The following ASIC2 variants were observed in gnomAD, a reference collection of about 807,000 sequenced individuals.
ASIC2 encodes the protein acid-sensing ion channel 2.
ASIC2 carries 25 observed loss-of-function variants against 57.3 expected under a neutral mutation model. The observed-to-expected ratio is 0.44, with a 90% CI of 0.32 to 0.61. ASIC2 has a LOEUF of 0.61. Ranked by LOEUF, ASIC2 falls within the 20% of genes least tolerant of loss-of-function variation. The probability of loss-of-function intolerance (pLI) is 0.06; values close to 1 mark genes in which losing one functional copy is unlikely to be tolerated. For synonymous variants in ASIC2, 319 were observed against 307.5 expected (o/e 1.04, Z -0.39); for missense variants, 641 against 738.1 (o/e 0.87, Z 1.52).
intron 1 of ASIC2, among the ~76,000 whole-genome samples, chr17:33,751,883 G>T (rs1324704810): frequency 2.0e-5 from 3 of 150,724 alleles, no homozygotes; most frequent in Non-Finnish European, 4.4e-5. Flanking sequence ...GCGGGAGGCT[G>T]GGAGGGAATG....
Position 33,292,430 on chromosome 17 carries a change from G to C in ASIC2, c.-315C>G. 1.0e-6 allele frequency: 1 copy of C among 985,766 alleles called. No homozygotes were observed. Among genetic ancestry groups the C allele is most frequent in the South Asian group, 4.7e-5 (1 of 21,292 alleles). The allele number at this position is 985,766 out of a possible 1,614,324, so 61.1% of individuals were successfully genotyped here. ...TGCCCGGCGCCCGGCACTACTTCTG[G>C]AGGGGTCCCACTGGGAGCCGCCTCT... On this transcript the variant is annotated 5_prime_UTR_variant, in exon 1 of 10. Transcript: ENST00000225823.
chr17:33,794,759 T>C (rs1440341037), intron 1 of ASIC2: 4 of 152,152 alleles, frequency 2.6e-5, no homozygotes, highest in Non-Finnish European at 5.9e-5. Flanking sequence ...CCTGTTGATA[T>C]AGCATATTTA....
rs1368967543 is a variant in ASIC2 at position 33,506,268 on chromosome 17, C to T, written c.556-394201G>A. Among the ~76,000 whole-genome samples the T allele has an allele frequency of 2.7e-5, 4 of 150,366 alleles. No homozygotes were observed. In the East Asian group the frequency reaches 7.8e-4, roughly 29 times the overall value. On this transcript the variant is annotated intron_variant, in intron 1 of 9. Transcript: ENST00000359872. The stretch of plus-strand genomic sequence containing the variant: ...AAAAAAAAAAAAAAGAAAAAATTAG[C>T]TGGGTGTGGTGGCGGGCGCCTGTAG...
intron 1 of ASIC2, among the ~76,000 whole-genome samples, chr17:33,609,424 C>G (rs1905325376): frequency 6.6e-6 from 1 of 152,156 alleles, no homozygotes; most frequent in African/African-American, 2.4e-5. Flanking sequence ...TCGAGCACAC[C>G]AAGGACATTC....
chr17:33,284,888 C>G (rs1656566252), intron 1 of ASIC2, among the ~76,000 whole-genome samples: 1 of 152,162 alleles, frequency 6.6e-6, no homozygotes, highest in African/African-American at 2.4e-5. Context: ...TCAGGAAGCT[C>G]CTTTTAGACT....
intron 3 of ASIC2, among the ~76,000 whole-genome samples, chr17:33,041,141 G>A (rs1174742963): frequency 6.6e-6 from 1 of 152,120 alleles, no homozygotes; most frequent in Non-Finnish European, 1.5e-5. Flanking sequence ...GCTGAGGGGT[G>A]GTGGGAAGAA....
intron 1 of ASIC2, among the ~76,000 whole-genome samples, chr17:33,686,415 C>CT (rs1227420116): frequency 6.6e-6 from 1 of 152,174 alleles, no homozygotes; most frequent in East Asian, 1.9e-4. Context: ...CAACTAATCT[C>CT]TTGTCCTGTT....
chr17:33,684,389 G>A lies in ASIC2; in HGVS notation c.555+471589C>T, dbSNP rs537248655. On this transcript the variant is annotated intron_variant, in intron 1 of 9. Transcript: ENST00000359872. ...ACTACCCAAGTGCAGAAGAAACAAC[G>A]TTTTAAATATATCGGGCAGCAGAGC... is the stretch of plus-strand genomic sequence containing the variant. Among the ~76,000 whole-genome samples the A allele has an allele frequency of 1.6e-4, 24 of 150,820 alleles. No individual in the cohort carries two copies. The South Asian group carries it at 3.8e-3, about 24-fold the overall frequency.
chr17:33,370,814 G>T (rs976388637), intron 1 of ASIC2, among the ~76,000 whole-genome samples: 3 of 152,224 alleles, frequency 2.0e-5, no homozygotes, highest in East Asian at 1.9e-4. Flanking sequence ...GCATGTACAC[G>T]TGTTACCGGA....
rs116921034 is a variant in ASIC2, at chr17:33,480,655, T to A, written c.556-368588A>T. Among the ~76,000 whole-genome samples the A allele has an allele frequency of 7.6e-3, 1,156 of 152,190 alleles. 9 individuals carry two copies. Among genetic ancestry groups the A allele is most frequent in the Non-Finnish European group, 0.011 (775 of 67,998 alleles). ...GGGGACCATTGACCATCTCCTTACT[T>A]TCTATAAAGACCTGCTCGCCAGGTG... On this transcript the variant is annotated intron_variant, in intron 1 of 9. Transcript: ENST00000359872.
chr17:33,749,903 A>C (rs954691722), intron 1 of ASIC2, among the ~76,000 whole-genome samples: 4 of 152,122 alleles, frequency 2.6e-5, no homozygotes, highest in Non-Finnish European at 4.4e-5. Context: ...GCCAACTCCA[A>C]GGCTGTGCTG....
At chr17:33,698,402 C>G (rs1305571340) in intron 1 of ASIC2, among the ~76,000 whole-genome samples, 1 of 152,156 alleles carries the variant, frequency 6.6e-6, no homozygotes, top group Non-Finnish European at 1.5e-5. Context: ...ATGCTTAGAA[C>G]AGTGTCTGGC....
intron 1 of ASIC2, among the ~76,000 whole-genome samples, chr17:33,125,005 A>G (rs946049891): frequency 6.6e-6 from 1 of 152,174 alleles, no homozygotes; most frequent in African/African-American, 2.4e-5. Flanking sequence ...CTGATCTGAG[A>G]GGAGGCTGAG....
intron 1 of ASIC2, among the ~76,000 whole-genome samples, chr17:34,103,172 G>A (rs188359846): frequency 2.0e-5 from 3 of 152,246 alleles, no homozygotes; most frequent in Non-Finnish European, 1.5e-5. Context: ...AGGGGGGACA[G>A]TCTCATTTAG....
chr17:33,101,895 G>A (rs1308592356), intron 2 of ASIC2, among the ~76,000 whole-genome samples: 2 of 150,310 alleles, frequency 1.3e-5, no homozygotes, highest in African/African-American at 2.5e-5. Flanking sequence ...CTTTTTCCTT[G>A]TTGGTTTGTA....
chr17:33,173,204 G>A (rs948603018), intron 1 of ASIC2, among the ~76,000 whole-genome samples: 7 of 152,166 alleles, frequency 4.6e-5, no homozygotes, highest in South Asian at 4.1e-4. Context: ...GAGTGAGGGG[G>A]ATCCAGGTTT....
At chr17:33,452,583 A>G (rs1428983749) in intron 1 of ASIC2, among the ~76,000 whole-genome samples, 1 of 152,200 alleles carries the variant, frequency 6.6e-6, no homozygotes, top group Non-Finnish European at 1.5e-5. Flanking sequence ...GGCCCACGAC[A>G]TAGTCTGACG....
intron 1 of ASIC2, among the ~76,000 whole-genome samples, chr17:33,559,264 A>G (rs765796310): frequency 1.6e-4 from 24 of 151,500 alleles, no homozygotes; most frequent in Admixed American, 1.1e-3. Flanking sequence ...GCTGTCCATG[A>G]CTCCTACCAC....
chr17:33,736,172 G>T (rs770379748), intron 1 of ASIC2, among the ~76,000 whole-genome samples: 3 of 152,002 alleles, frequency 2.0e-5, no homozygotes, highest in Non-Finnish European at 2.9e-5. Flanking sequence ...GGTCTGCTGG[G>T]CTGGGGCTAT....
Sources: gnomAD v4.1 joint callset for allele counts (sites outside exome capture counted in the v4.1 genomes callset) on GRCh38, gnomAD v4.1.1 for gene constraint, MANE v1.5 for transcripts, NCBI Gene and HGNC (gene_info 2026-07-23, HGNC 2026-07-21) for gene names.